Variants in RSRC1 observed in about 807,000 individuals in gnomAD.
RSRC1 encodes arginine and serine rich coiled-coil 1.
Under a neutral mutation model 49.1 loss-of-function variants are expected in RSRC1, and 39 were observed. That is an observed-to-expected ratio of 0.79 (90% CI 0.61 to 1.04). RSRC1 has a LOEUF of 1.04. Among genes scored for constraint, RSRC1 ranks in the 50% least tolerant of loss-of-function variants. The probability of loss-of-function intolerance (pLI) is 0.00; values close to 1 mark genes in which losing one functional copy is unlikely to be tolerated. For synonymous variants in RSRC1, 143 were observed against 130.8 expected, an observed-to-expected ratio of 1.09 and a Z score of -0.63; for missense variants, 388 against 402.4, an observed-to-expected ratio of 0.96 and a Z score of 0.31.
At chr3:158,167,347 C>T (rs1435607107) in intron 3 of RSRC1, among the ~76,000 whole-genome samples, 5 of 152,096 alleles carry the variant, frequency 3.3e-5, no homozygotes, top group African/African-American at 1.2e-4. Context: ...CACACCACCA[C>T]ACAGAGCTAA....
At chr3:158,372,170 A>T (rs1732116088) in intron 6 of RSRC1, among the ~76,000 whole-genome samples, 1 of 151,820 alleles carries the variant, frequency 6.6e-6, no homozygotes, top group Non-Finnish European at 1.5e-5. Context: ...CTTAATCATG[A>T]TGAAGTCTAA....
At chr3:158,472,966 A>G (rs1193063444) in intron 7 of RSRC1, among the ~76,000 whole-genome samples, 1 of 152,232 alleles carries the variant, frequency 6.6e-6, no homozygotes, top group Non-Finnish European at 1.5e-5. Flanking sequence ...ACAATGAGAT[A>G]TCATCTCACA....
intron 4 of RSRC1, among the ~76,000 whole-genome samples, chr3:158,208,901 T>A (rs1020185885): frequency 1.3e-5 from 2 of 152,182 alleles, no homozygotes; most frequent in African/African-American, 4.8e-5. Context: ...ATTAACATAT[T>A]ATTGGACCTT....
At chr3:158,445,632 A>G (rs943734042) in intron 6 of RSRC1, among the ~76,000 whole-genome samples, 2 of 152,102 alleles carry the variant, frequency 1.3e-5, no homozygotes, top group Admixed American at 1.3e-4. Context: ...GTGCACATGT[A>G]CCCTCGAACT....
intron 5 of RSRC1, among the ~76,000 whole-genome samples, chr3:158,314,404 C>T (rs200271353): frequency 2.7e-5 from 4 of 145,664 alleles, no homozygotes; most frequent in Non-Finnish European, 4.5e-5. Flanking sequence ...AAAAAAAATT[C>T]TTTTTTTTTT....
At chr3:158,519,236 G>C (rs1711531711) in intron 7 of RSRC1, among the ~76,000 whole-genome samples, 1 of 151,946 alleles carries the variant, frequency 6.6e-6, no homozygotes, top group Non-Finnish European at 1.5e-5. Flanking sequence ...TGCTAACCCT[G>C]GTCTGGGTGT....
chr3:158,256,094 CTG>C (rs1465747285), intron 4 of RSRC1, among the ~76,000 whole-genome samples: 4 of 152,164 alleles, frequency 2.6e-5, no homozygotes, highest in Non-Finnish European at 4.4e-5. Flanking sequence ...ACCTCCAACA[CTG>C]TGTTGAATCC....
chr3:158,388,028 G>A (rs1299736585), intron 6 of RSRC1, among the ~76,000 whole-genome samples: 1 of 152,004 alleles, frequency 6.6e-6, no homozygotes, highest in African/African-American at 2.4e-5. Flanking sequence ...TGTCAAATAA[G>A]TATCAAGAAG....
At chr3:158,287,880 T>C (rs1039113067) in intron 4 of RSRC1, among the ~76,000 whole-genome samples, 1 of 152,184 alleles carries the variant, frequency 6.6e-6, no homozygotes, top group Non-Finnish European at 1.5e-5. Flanking sequence ...TTTTCTACAA[T>C]AAGCATTTAT....
chr3:158,197,402 A>G (rs1272183743), intron 3 of RSRC1, among the ~76,000 whole-genome samples: 1 of 150,940 alleles, frequency 6.6e-6, no homozygotes, highest in African/African-American at 2.4e-5. Flanking sequence ...TTTCTTCTTT[A>G]TTAGTCTTGG....
rs1036052732 is a variant in RSRC1, at chr3:158,223,860, T to A, written c.494+20615T>A. Among the ~76,000 whole-genome samples the A allele has an allele frequency of 5.3e-5, 8 of 151,836 alleles. 1 individual carries two copies. Among genetic ancestry groups the A allele is most frequent in the Admixed American group, 3.3e-4 (5 of 15,160 alleles). ...TGTTGCCTCTGTTTGGAATGCCTCC[T>A]CCAGGGTCTTTGTATATGGTTCTCA... On this transcript the variant is annotated intron_variant, in intron 4 of 9. Coordinates refer to ENST00000611884, the MANE Select transcript of RSRC1 (RefSeq NM_001271838.2).
chr3:158,516,915 T>C (rs561467343), intron 7 of RSRC1, among the ~76,000 whole-genome samples: 23 of 152,338 alleles, frequency 1.5e-4, no homozygotes, highest in African/African-American at 5.5e-4. Context: ...CCTGACCCCT[T>C]GTGCTTCCCA....
chr3:158,130,481 T>C (rs1343291382), intron 3 of RSRC1, among the ~76,000 whole-genome samples: 1 of 152,242 alleles, frequency 6.6e-6, no homozygotes, highest in African/African-American at 2.4e-5. Context: ...TAAAGTGTTT[T>C]GGATTTTGGA....
In RSRC1 at chr3:158,539,226, G is replaced by T. The variant is rs1712896587; in HGVS notation, c.759+2028G>T. On this transcript the variant is annotated intron_variant, in intron 8 of 9. Transcript: ENST00000611884. The surrounding 1 kb of genome is among the most constrained non-coding windows in gnomAD (Gnocchi z 4.1). ...CCCTAAAAAAAGGCTTTTGTATGCT[G>T]GCCACCCCTTCAGTTGGTACCGTAT... Among the ~76,000 whole-genome samples the T allele has an allele frequency of 1.3e-5, 2 of 151,826 alleles. 1 individual carries two copies. Among genetic ancestry groups the T allele is most frequent in the South Asian group, 4.2e-4 (2 of 4,812 alleles).
chr3:158,202,583 T>TATATATA (rs1359595103), intron 3 of RSRC1, among the ~76,000 whole-genome samples: 21 of 140,502 alleles, frequency 1.5e-4, no homozygotes, highest in East Asian at 6.4e-4. Flanking sequence ...TATATATATG[T>TATATATA]TTTATCAATA....
chr3:158,411,395 G>A (rs967275051), intron 6 of RSRC1, among the ~76,000 whole-genome samples: 1 of 152,002 alleles, frequency 6.6e-6, no homozygotes, highest in Non-Finnish European at 1.5e-5. Flanking sequence ...GTGGATATAC[G>A]AATTAATTTT....
chr3:158,217,275 G>T (rs1325322014), intron 4 of RSRC1, among the ~76,000 whole-genome samples: 2 of 151,636 alleles, frequency 1.3e-5, no homozygotes, highest in Admixed American at 6.6e-5. Flanking sequence ...TACTGTAGTA[G>T]ATGTAGTAGA....
intron 5 of RSRC1, among the ~76,000 whole-genome samples, chr3:158,314,113 G>A (rs1295188389): frequency 2.6e-5 from 4 of 151,976 alleles, no homozygotes; most frequent in Admixed American, 6.6e-5. Flanking sequence ...GTTGTTAGAC[G>A]GAATCTCACT....
At chr3:158,129,288 C>CTTTTTTTT (rs71144439) in intron 3 of RSRC1, among the ~76,000 whole-genome samples, 383 of 71,052 alleles carry the variant, frequency 5.4e-3, no homozygotes, top group Non-Finnish European at 7.4e-3. Flanking sequence ...TTCTTTCTTT[C>CTTTTTTTT]TTTTTTTTTT....
Sources: gnomAD v4.1 joint callset for allele counts (sites outside exome capture counted in the v4.1 genomes callset) on GRCh38, gnomAD v4.1.1 for gene constraint, Gnocchi (gnomAD v3.1) non-coding constraint, MANE v1.5 for transcripts, NCBI Gene and HGNC (gene_info 2026-07-23, HGNC 2026-07-21) for gene names.